Variants in SLC26A9 observed in about 807,000 individuals in gnomAD.
SLC26A9 encodes solute carrier family 26 member 9, also known as anion transporter/exchanger protein 9.
Under a neutral mutation model 87.1 loss-of-function variants are expected in SLC26A9, and 46 were observed. The observed-to-expected ratio is 0.53, with a 90% CI of 0.42 to 0.67. The LOEUF (loss-of-function observed/expected upper bound fraction) is 0.67, where lower values mean the gene tolerates loss of function less well. SLC26A9 is among the 30% of genes least tolerant of loss of function. The probability of loss-of-function intolerance (pLI) is 0.00; values close to 1 mark genes in which losing one functional copy is unlikely to be tolerated. For synonymous variants in SLC26A9, 437 were observed against 409.1 expected (o/e 1.07, Z -0.82); for missense variants, 927 against 1,018.3 (o/e 0.91, Z 1.22).
rs1263398198 is a variant in SLC26A9 at position 205,943,399 on chromosome 1, AG to A, written c.-54del. 1.3e-5 allele frequency: 2 copies of A among 152,410 alleles called. No homozygotes were observed. Among genetic ancestry groups the A allele is most frequent in the Non-Finnish European group, 2.9e-5 (2 of 68,286 alleles). The allele number at this position is 152,410 out of a possible 1,614,324, so 9.4% of individuals were successfully genotyped here. A position where few individuals can be genotyped will look rare whatever the true frequency, so the allele number is the denominator to read the frequency against. The stretch of plus-strand genomic sequence containing the variant: ...AGCAAAGCCGGCTGGGCAGGGCTGC[AG>A]GTGTGTCTGGGGAGCGGGCAGCCGA... On this transcript the variant is annotated 5_prime_UTR_variant, in exon 1 of 21. Coordinates refer to ENST00000367135, the MANE Select transcript of SLC26A9 (RefSeq NM_052934.4).
At chr1:205,939,898 C>T (rs1039169365) in intron 1 of SLC26A9, among the ~76,000 whole-genome samples, 25 of 152,186 alleles carry the variant, frequency 1.6e-4, no homozygotes, top group Admixed American at 6.5e-5. Context: ...TTGCCAGAGG[C>T]GTGTATCTAC....
chr1:205,938,485 CT>C (rs1006056657), intron 1 of SLC26A9, among the ~76,000 whole-genome samples: 1 of 152,096 alleles, frequency 6.6e-6, no homozygotes, highest in African/African-American at 2.4e-5. Flanking sequence ...GCCCAAACTC[CT>C]TATTTTGGCA....
At chr1:205,942,880 G>A (rs1659808464) in intron 1 of SLC26A9, among the ~76,000 whole-genome samples, 1 of 152,200 alleles carries the variant, frequency 6.6e-6, no homozygotes, top group Non-Finnish European at 1.5e-5. Flanking sequence ...CGAGCTGGTG[G>A]AGAAGTACAT....
chr1:205,927,150 T>C lies in SLC26A9; in HGVS notation c.1293+61A>G, dbSNP rs922219776. ...TGTGGTCCGTAAAGTGCCACACAAC[T>C]CTCAGGGATTGTTCTTATTGGAGTC... On this transcript the variant is annotated intron_variant, in intron 11 of 20. Coordinates refer to ENST00000367135, the MANE Select transcript of SLC26A9 (RefSeq NM_052934.4). 5.1e-6 allele frequency: 8 copies of C among 1,570,734 alleles called. No homozygotes were observed. The East Asian group carries it at 1.6e-4, about 31-fold the overall frequency.
At chr1:205,925,637 T>C (rs1296834180) in intron 12 of SLC26A9, among the ~76,000 whole-genome samples, 1 of 152,124 alleles carries the variant, frequency 6.6e-6, no homozygotes, top group Non-Finnish European at 1.5e-5. Context: ...CTGCCCTAGG[T>C]GGGTGAGACT....
chr1:205,917,486 G>T, intron 19 of SLC26A9, 132 bp from the exon 20 acceptor site: 2 of 829,908 alleles, frequency 2.4e-6, no homozygotes, highest in East Asian at 2.5e-5. Flanking sequence ...TTATCCTCTT[G>T]CCCCTTCCCT....
chr1:205,921,387 T>C lies in SLC26A9; in HGVS notation c.2055+179A>G, dbSNP rs149700058. 7.9e-3 allele frequency among the ~76,000 whole-genome samples: 1,206 copies of C among 152,328 alleles called. 6 individuals are homozygous for C. The highest frequency in any genetic ancestry group is 0.012 in the Non-Finnish European group (807 of 68,024). On this transcript the variant is annotated intron_variant, in intron 17 of 20. Transcript: ENST00000367135. ...TGTCATGGGCCGTCTGGGCCTGCTC[T>C]GTGGAGAATGTCTCAACCTGGTGGC...
In SLC26A9 at chr1:205,913,531, C is replaced by T. The variant is rs1415546208; in HGVS notation, c.*1826G>A. 4 of 152,670 alleles carry T rather than the reference C, an allele frequency of 2.6e-5. No individual in the cohort carries two copies. The highest frequency in any genetic ancestry group is 9.6e-5 in the African/African-American group (4 of 41,454). 9.5% of individuals were successfully genotyped at this position (152,670 alleles called of 1,614,324 possible). A position where few individuals can be genotyped will look rare whatever the true frequency, so the allele number is the denominator to read the frequency against. ...CTAGATACTTGGTTCAAAGGGGACTCTGACTTGGAAATTCCTGAGGCTCTG... is the reference window on the plus strand; with the variant it reads ...CTAGATACTTGGTTCAAAGGGGACTTTGACTTGGAAATTCCTGAGGCTCTG... On this transcript the variant is annotated 3_prime_UTR_variant, in exon 21 of 21. Coordinates refer to ENST00000367135, the MANE Select transcript of SLC26A9 (RefSeq NM_052934.4).
intron 18 of SLC26A9, 146 bp from the exon 19 acceptor site, chr1:205,919,131 T>G: frequency 9.9e-7 from 1 of 1,008,382 alleles, no homozygotes; most frequent in East Asian, 2.4e-5. Context: ...GCATTGGCAG[T>G]GCAATATCAG....
rs1659076302 is a variant in SLC26A9 at position 205,926,573 on chromosome 1, C to T, written c.1351G>A (p.Asp451Asn). The T allele has an allele frequency of 6.2e-7, 1 of 1,614,072 alleles. No homozygotes were observed. Among genetic ancestry groups the T allele is most frequent in the Admixed American group, 1.7e-5 (1 of 60,022 alleles). Reference protein sequence around the residue: ...NLKNSLKQLTDPYYLWRKSKL... With the variant: ...NLKNSLKQLTNPYYLWRKSKL... ...CTCTTCCTCCACAGGTAGTAGGGGT[C>T]GGTGAGTTGCTTGAGGGAGTTCTTG... Residue 451 changes from aspartate (D) to asparagine (N), a missense_variant, in exon 12 of 21, where the codon GAC becomes AAC. Asp to Asn is a conservative substitution (Grantham distance 23, BLOSUM62 1). Transcript: ENST00000367135.
Position 205,926,639 on chromosome 1 carries a change from G to A in SLC26A9, c.1294-9C>T, listed in dbSNP as rs761888564. ...AGGGCTCCTAGCACAGACTAGAGAA[G>A]CAGAACATTGCTCCAGGACCCCAGG... On this transcript the variant is annotated splice_polypyrimidine_tract_variant and intron_variant, in intron 11 of 20. Coordinates refer to ENST00000367135, the MANE Select transcript of SLC26A9 (RefSeq NM_052934.4). The A allele has an allele frequency of 6.2e-7, 1 of 1,612,508 alleles. No individual in the cohort carries two copies.
rs12082235 is a variant in SLC26A9 at position 205,921,860 on chromosome 1, G to T, written c.1774-13C>A. 2.6e-3 allele frequency: 4,227 copies of T among 1,600,050 alleles called. 99 individuals are homozygous for T. In the African/African-American group the frequency reaches 0.051, roughly 19 times the overall value. On this transcript the variant is annotated splice_polypyrimidine_tract_variant and intron_variant, in intron 16 of 20. Coordinates refer to ENST00000367135, the MANE Select transcript of SLC26A9 (RefSeq NM_052934.4). Reference sequence around the variant, plus strand: ...GCAGGGAGACAGTCTGGAAGGGTGGGGACAGTGGGCAGAGTCAGGGACCAC... The same window carrying T: ...GCAGGGAGACAGTCTGGAAGGGTGGTGACAGTGGGCAGAGTCAGGGACCAC...
At position 205,914,361 on chromosome 1, in the gene SLC26A9, G is replaced by T. The variant is rs1170959305; in HGVS notation, c.*996C>A. On this transcript the variant is annotated 3_prime_UTR_variant, in exon 21 of 21. Transcript: ENST00000367135. ...GAAGGATAAGGCAGATTTACCAAAG[G>T]GAGGCATTTCCCTGATGGGCCCTGG... The T allele has an allele frequency of 3.3e-5, 5 of 153,806 alleles. No individual in the cohort carries two copies. Among genetic ancestry groups the T allele is most frequent in the Non-Finnish European group, 7.2e-5 (5 of 69,090 alleles). The allele number at this position is 153,806 out of a possible 1,614,324, so 9.5% of individuals were successfully genotyped here. A position where few individuals can be genotyped will look rare whatever the true frequency, so the allele number is the denominator to read the frequency against.
At chr1:205,921,511 A>C in intron 17 of SLC26A9, 55 bp downstream of exon 17, 1 of 1,558,768 alleles carries the variant, frequency 6.4e-7, no homozygotes, top group Non-Finnish European at 8.6e-7. Flanking sequence ...GGGAATGTGG[A>C]GAGCAGAGCG....
chr1:205,914,656 G>C lies in SLC26A9; in HGVS notation c.*701C>G, dbSNP rs567755500. ...GGCAGAACCTTAGTGGGCTGTCCCC[G>C]GGGAGGTAGCTCTGGTGGTCTCGAC... On this transcript the variant is annotated 3_prime_UTR_variant, in exon 21 of 21. Coordinates refer to ENST00000367135, the MANE Select transcript of SLC26A9 (RefSeq NM_052934.4). The C allele has an allele frequency of 2.9e-4, 141 of 494,714 alleles. 2 individuals are homozygous for C. Among genetic ancestry groups the C allele is most frequent in the Middle Eastern group, 2.7e-3 (5 of 1,864 alleles). 30.6% of individuals were successfully genotyped at this position (494,714 alleles called of 1,614,324 possible). A position where few individuals can be genotyped will look rare whatever the true frequency, so the allele number is the denominator to read the frequency against.
In SLC26A9 at chr1:205,913,259, A is replaced by G. The variant is rs1658443984; in HGVS notation, c.*2098T>C. ...TGCCTCCATCTTTCCTGCTTCAACC[A>G]GGTCCAGAAGAGTGTTCTTTTCCAA... On this transcript the variant is annotated 3_prime_UTR_variant, in exon 21 of 21. Transcript: ENST00000367135. The G allele has an allele frequency of 6.6e-6, 1 of 152,224 alleles. No homozygotes were observed. Among genetic ancestry groups the G allele is most frequent in the African/African-American group, 2.4e-5 (1 of 41,452 alleles). The allele number at this position is 152,224 out of a possible 1,614,324, so 9.4% of individuals were successfully genotyped here. A position where few individuals can be genotyped will look rare whatever the true frequency, so the allele number is the denominator to read the frequency against.
At chr1:205,917,210 T>C in intron 20 of SLC26A9, 73 bp downstream of exon 20, 1 of 1,506,066 alleles carries the variant, frequency 6.6e-7, no homozygotes, top group Non-Finnish European at 9.2e-7. Context: ...GTGAACGCCT[T>C]GTATTTGACA....
intron 1 of SLC26A9, among the ~76,000 whole-genome samples, chr1:205,937,920 G>A (rs1472027606): frequency 6.6e-6 from 1 of 152,072 alleles, no homozygotes; most frequent in African/African-American, 2.4e-5. Flanking sequence ...AATTTCAAGG[G>A]GGGCTGAGTC....
chr1:205,914,763 G>C lies in SLC26A9; in HGVS notation c.*594C>G, dbSNP rs367980630. ...TTGGGCAGCCTTGGGGATGATGGAG[G>C]GGGGGCGCATAGTTACCAAGGCCTA... On this transcript the variant is annotated 3_prime_UTR_variant, in exon 21 of 21. Coordinates refer to ENST00000367135, the MANE Select transcript of SLC26A9 (RefSeq NM_052934.4). The C allele has an allele frequency of 2.6e-5, 30 of 1,168,440 alleles. No individual in the cohort carries two copies. The highest frequency in any genetic ancestry group is 4.6e-5 in the African/African-American group (3 of 65,020). 72.4% of individuals were successfully genotyped at this position (1,168,440 alleles called of 1,614,324 possible).
Sources: gnomAD v4.1 joint callset for allele counts (sites outside exome capture counted in the v4.1 genomes callset) on GRCh38, gnomAD v4.1.1 for gene constraint, MANE v1.5 for transcripts, NCBI Gene and HGNC (gene_info 2026-07-23, HGNC 2026-07-21) for gene names.